Variants in BBS9 observed in about 807,000 individuals in gnomAD.
BBS9 encodes Bardet-Biedl syndrome 9.
Under a neutral mutation model 117.7 loss-of-function variants are expected in BBS9, and 89 were observed. That is an observed-to-expected ratio of 0.76 (90% CI 0.64 to 0.90). BBS9 has a LOEUF of 0.90. Ranked by LOEUF, BBS9 falls within the 40% of genes least tolerant of loss-of-function variation. BBS9 has a pLI of 0.00. For missense variants in BBS9, 982 were observed against 1,042.2 expected, an observed-to-expected ratio of 0.94 and a Z score of 0.80; for synonymous variants, 379 against 370.9, an observed-to-expected ratio of 1.02 and a Z score of -0.25.
At chr7:33,398,690 G>T (rs902220264) in intron 19 of BBS9, among the ~76,000 whole-genome samples, 5 of 152,178 alleles carry the variant, frequency 3.3e-5, no homozygotes. Context: ...AAGATTAAAA[G>T]AGTAAAGTGA....
chr7:33,337,531 A>G (rs1815629246), intron 10 of BBS9, among the ~76,000 whole-genome samples: 1 of 152,088 alleles, frequency 6.6e-6, no homozygotes, highest in South Asian at 2.1e-4. Flanking sequence ...AGGAATTGAG[A>G]TAATATATTT....
At chr7:33,248,705 T>C (rs1263985722) in intron 5 of BBS9, among the ~76,000 whole-genome samples, 1 of 152,200 alleles carries the variant, frequency 6.6e-6, no homozygotes, top group African/African-American at 2.4e-5. Flanking sequence ...ATTAATGTGT[T>C]AGTGTTTCAG....
intron 21 of BBS9, among the ~76,000 whole-genome samples, chr7:33,618,097 T>G (rs1865230262): frequency 6.6e-6 from 1 of 152,070 alleles, no homozygotes; most frequent in Non-Finnish European, 1.5e-5. Flanking sequence ...CCCAACACTT[T>G]AGGAGGCCAA....
intron 18 of BBS9, among the ~76,000 whole-genome samples, chr7:33,384,777 A>C (rs997546616): frequency 6.6e-6 from 1 of 152,102 alleles, no homozygotes; most frequent in African/African-American, 2.4e-5. Context: ...CAACCATTGA[A>C]CATTCTAAGA....
intron 21 of BBS9, among the ~76,000 whole-genome samples, chr7:33,565,785 A>G (rs1342480082): frequency 0.014 from 251 of 17,438 alleles, 2 homozygotes; most frequent in East Asian, 0.095. Context: ...TCAGTAGTAT[A>G]TATATATATA....
chr7:33,433,767 A>G (rs1325939681), intron 19 of BBS9, among the ~76,000 whole-genome samples: 3 of 152,100 alleles, frequency 2.0e-5, no homozygotes, highest in Non-Finnish European at 2.9e-5. Context: ...GGCTGATGTA[A>G]ATATAACCTT....
chr7:33,483,065 C>T (rs1842692707), intron 19 of BBS9, among the ~76,000 whole-genome samples: 1 of 151,990 alleles, frequency 6.6e-6, no homozygotes, highest in South Asian at 2.1e-4. Context: ...TTGAATAACT[C>T]ATGAATTCTA....
At position 33,171,683 on chromosome 7, in the gene BBS9, G is replaced by C. The variant is rs149115949; in HGVS notation, c.329-5795G>C. Reference sequence around the variant, plus strand: ...TGTATCATATAAAAATAACATCAACGTATACAGACAAACTCATGTTTAATA... The same window carrying C: ...TGTATCATATAAAAATAACATCAACCTATACAGACAAACTCATGTTTAATA... On this transcript the variant is annotated intron_variant, in intron 4 of 22. Coordinates refer to ENST00000242067, the MANE Select transcript of BBS9 (RefSeq NM_198428.3). Among the ~76,000 whole-genome samples, 34 of 151,700 alleles carry C rather than the reference G, an allele frequency of 2.2e-4. 1 individual carries two copies. The South Asian group carries it at 6.3e-3, about 28-fold the overall frequency.
At chr7:33,519,448 T>C (rs1407090037) in intron 20 of BBS9, among the ~76,000 whole-genome samples, 2 of 152,206 alleles carry the variant, frequency 1.3e-5, no homozygotes, top group African/African-American at 2.4e-5. Flanking sequence ...CTGACCATTG[T>C]TATGTTTTCG....
Position 33,283,290 on chromosome 7 carries a change from ATT to A in BBS9, c.1016+9341_1016+9342del, listed in dbSNP as rs1000585589. 3.2e-4 allele frequency among the ~76,000 whole-genome samples: 48 copies of A among 152,152 alleles called. 1 individual carries two copies. In the South Asian group the frequency reaches 6.8e-3, roughly 22 times the overall value. ...TGTGGAAAAGCCTGAAGGTAGCTTA[ATT>A]TTTTTTAAAAAGACATCTTATTGGA... On this transcript the variant is annotated intron_variant, in intron 9 of 22. Coordinates refer to ENST00000242067, the MANE Select transcript of BBS9 (RefSeq NM_198428.3).
chr7:33,451,375 A>G (rs1837843151), intron 19 of BBS9, among the ~76,000 whole-genome samples: 1 of 152,180 alleles, frequency 6.6e-6, no homozygotes, highest in Non-Finnish European at 1.5e-5. Flanking sequence ...TTTTTAATAT[A>G]GTGTTAAATA....
intron 19 of BBS9, among the ~76,000 whole-genome samples, chr7:33,479,475 G>A (rs1842232125): frequency 6.6e-6 from 1 of 152,146 alleles, no homozygotes; most frequent in African/African-American, 2.4e-5. Context: ...GTATTCCATG[G>A]TGTATATGTG....
chr7:33,604,066 A>C (rs1171731430), intron 21 of BBS9, among the ~76,000 whole-genome samples: 2 of 152,166 alleles, frequency 1.3e-5, no homozygotes, highest in Non-Finnish European at 2.9e-5. Context: ...AAGAAATCAC[A>C]CTTCATTAAC....
chr7:33,432,439 C>G (rs1306330587), intron 19 of BBS9, among the ~76,000 whole-genome samples: 3 of 151,948 alleles, frequency 2.0e-5, no homozygotes, highest in African/African-American at 7.3e-5. Flanking sequence ...TCTCAAAACT[C>G]TTTATTTTGC....
rs1818572834 is a variant in BBS9 at position 33,351,158 on chromosome 7, CTGT to C, written c.1433-56_1433-54del. 2 of 1,117,150 alleles carry C rather than the reference CTGT, an allele frequency of 1.8e-6. 1 individual carries two copies. The highest frequency in any genetic ancestry group is 2.5e-5 in the South Asian group (2 of 78,824). 69.2% of individuals were successfully genotyped at this position (1,117,150 alleles called of 1,614,324 possible). A position where few individuals can be genotyped will look rare whatever the true frequency, so the allele number is the denominator to read the frequency against. On this transcript the variant is annotated intron_variant, in intron 13 of 22. Transcript: ENST00000242067. ...GTGGTGAGTGCTTATTAAATTTTAA[CTGT>C]TGTTAATAACAGTTGCCCCAAATTA...
chr7:33,192,446 CA>C (rs1282749138), intron 5 of BBS9, among the ~76,000 whole-genome samples: 3 of 151,992 alleles, frequency 2.0e-5, no homozygotes, highest in Admixed American at 6.6e-5. Flanking sequence ...TTTAAGATGG[CA>C]AAAATATATA....
chr7:33,313,821 T>C (rs1809853235), intron 9 of BBS9, among the ~76,000 whole-genome samples: 1 of 152,204 alleles, frequency 6.6e-6, no homozygotes, highest in African/African-American at 2.4e-5. Context: ...CTGAAAGCCA[T>C]TTACATAAAC....
rs184844633 is a variant in BBS9 at position 33,435,734 on chromosome 7, G to A, written c.2115+47590G>A. Among the ~76,000 whole-genome samples, 18 of 152,270 alleles carry A rather than the reference G, an allele frequency of 1.2e-4. No homozygotes were observed. In the East Asian group the frequency reaches 3.5e-3, roughly 29 times the overall value. On this transcript the variant is annotated intron_variant, in intron 19 of 22. Coordinates refer to ENST00000242067, the MANE Select transcript of BBS9 (RefSeq NM_198428.3). Reference sequence around the variant, plus strand: ...AAGATAATATTCACAAAATAGCAGTGCATATTTTATGGAGATATATTTTCC... The same window carrying A: ...AAGATAATATTCACAAAATAGCAGTACATATTTTATGGAGATATATTTTCC...
At chr7:33,431,602 G>T (rs568210227) in intron 19 of BBS9, among the ~76,000 whole-genome samples, 4 of 152,280 alleles carry the variant, frequency 2.6e-5, no homozygotes, top group East Asian at 1.9e-4. Flanking sequence ...CAGCTAGAAG[G>T]TGCCATCTAT....
Sources: allele counts gnomAD v4.1 joint callset (sites outside exome capture counted in the v4.1 genomes callset), GRCh38; gene constraint gnomAD v4.1.1; transcripts MANE v1.5; gene names NCBI Gene and HGNC (gene_info 2026-07-23, HGNC 2026-07-21).